The following CCDC192 variants were observed in gnomAD, a reference collection of about 807,000 sequenced individuals.
The protein encoded by CCDC192 is coiled-coil domain containing 192, also known as coiled-coil domain-containing protein 192.
chr5:127,871,842 C>T (rs535296913), intron 5 of CCDC192, among the ~76,000 whole-genome samples: 2 of 152,300 alleles, frequency 1.3e-5, no homozygotes, highest in African/African-American at 4.8e-5. Context: ...TCTTTCCACC[C>T]GGTAGGAGAA....
At chr5:127,772,460 C>T in intron 3 of CCDC192, among the ~76,000 whole-genome samples, 1 of 139,666 alleles carries the variant, frequency 7.2e-6, no homozygotes, top group African/African-American at 2.7e-5. Flanking sequence ...GAGTGAGACT[C>T]TGTCACAAAA....
chr5:127,734,728 T>C (rs1345895305), intron 2 of CCDC192, among the ~76,000 whole-genome samples: 5 of 149,716 alleles, frequency 3.3e-5, no homozygotes, highest in Non-Finnish European at 5.9e-5. Context: ...ATGTCTTCTT[T>C]TGAGAAGTGT....
intron 6 of CCDC192, among the ~76,000 whole-genome samples, chr5:127,928,545 A>C (rs987596546): frequency 6.6e-6 from 1 of 152,210 alleles, no homozygotes; most frequent in Non-Finnish European, 1.5e-5. Flanking sequence ...TCACATCTGC[A>C]AAGTCTCTTC....
At chr5:127,889,020 C>T (rs1482611786) in intron 6 of CCDC192, among the ~76,000 whole-genome samples, 1 of 152,114 alleles carries the variant, frequency 6.6e-6, no homozygotes, top group African/African-American at 2.4e-5. Context: ...GGGTTCTAAA[C>T]AAAGATACAT....
chr5:127,817,704 C>T (rs924696954), intron 5 of CCDC192, among the ~76,000 whole-genome samples: 2 of 152,118 alleles, frequency 1.3e-5, no homozygotes, highest in African/African-American at 4.8e-5. Flanking sequence ...GTGATAGTTG[C>T]ACAACTTTGT....
intron 5 of CCDC192, among the ~76,000 whole-genome samples, chr5:127,861,507 T>C (rs1751369637): frequency 6.6e-6 from 1 of 151,386 alleles, no homozygotes; most frequent in Non-Finnish European, 1.5e-5. Flanking sequence ...ATACAAAAAT[T>C]AGCCAGGCAT....
At chr5:127,777,894 C>G (rs1755962556) in intron 3 of CCDC192, among the ~76,000 whole-genome samples, 1 of 151,486 alleles carries the variant, frequency 6.6e-6, no homozygotes, top group Non-Finnish European at 1.5e-5. Context: ...TACATGAAAC[C>G]TCCTTTTTTT....
chr5:127,875,189 A>G (rs1038577959), intron 5 of CCDC192, among the ~76,000 whole-genome samples: 7 of 152,194 alleles, frequency 4.6e-5, no homozygotes, highest in African/African-American at 1.7e-4. Context: ...AAAAAATCTG[A>G]TACTAGTAGG....
intron 2 of CCDC192, among the ~76,000 whole-genome samples, chr5:127,739,147 C>G (rs1354964464): frequency 1.3e-5 from 2 of 151,944 alleles, no homozygotes; most frequent in Non-Finnish European, 2.9e-5. Context: ...TTCCTTCTAA[C>G]AGAGAGGACC....
chr5:127,742,688 G>A (rs1199567343), intron 2 of CCDC192, among the ~76,000 whole-genome samples: 1 of 152,026 alleles, frequency 6.6e-6, no homozygotes, highest in Admixed American at 6.5e-5. Flanking sequence ...TTTTTTTCAA[G>A]ACACTAAAAC....
At chr5:127,929,093 G>A (rs867895868) in intron 6 of CCDC192, among the ~76,000 whole-genome samples, 1 of 152,244 alleles carries the variant, frequency 6.6e-6, no homozygotes, top group South Asian at 2.1e-4. Context: ...AACGATAGAG[G>A]GGCCACCACT....
intron 5 of CCDC192, among the ~76,000 whole-genome samples, chr5:127,809,270 A>G (rs1006288959): frequency 6.6e-6 from 1 of 152,156 alleles, no homozygotes; most frequent in Non-Finnish European, 1.5e-5. Flanking sequence ...AAAGAGCCAT[A>G]ATTGAGAATA....
intron 3 of CCDC192, among the ~76,000 whole-genome samples, chr5:127,796,880 G>A (rs1223414958): frequency 6.6e-6 from 1 of 152,098 alleles, no homozygotes; most frequent in Non-Finnish European, 1.5e-5. Flanking sequence ...GTAACTATGC[G>A]ATTTCATCTC....
chr5:127,856,969 G>A (rs181746), intron 5 of CCDC192, among the ~76,000 whole-genome samples: 106,782 of 152,124 alleles, frequency 0.7, 37,609 homozygotes, highest in African/African-American at 0.76. Flanking sequence ...AAGTTAGCAC[G>A]TGCTGCTGGA....
intron 6 of CCDC192, among the ~76,000 whole-genome samples, chr5:127,932,116 T>C (rs1365378902): frequency 1.4e-5 from 2 of 145,146 alleles, no homozygotes; most frequent in African/African-American, 5.2e-5. Flanking sequence ...ATCGTGCCAC[T>C]GCGCTCCAGC....
At chr5:127,826,309 A>G (rs1262040496) in intron 5 of CCDC192, among the ~76,000 whole-genome samples, 1 of 152,194 alleles carries the variant, frequency 6.6e-6, no homozygotes, top group African/African-American at 2.4e-5. Flanking sequence ...CTGCAAAGGA[A>G]AAGGAAAACT....
Position 127,862,881 on chromosome 5 carries a change from A to G in CCDC192, c.412-12657A>G, listed in dbSNP as rs565956561. Reference sequence around the variant, plus strand: ...CATGGAGGTTTTGCATTTCCCAATAAAAGCATTGTAAGTCACAGTGACAGT... The same window carrying G: ...CATGGAGGTTTTGCATTTCCCAATAGAAGCATTGTAAGTCACAGTGACAGT... On this transcript the variant is annotated intron_variant, in intron 5 of 6. Transcript: ENST00000514853. 1.3e-3 allele frequency among the ~76,000 whole-genome samples: 194 copies of G among 151,802 alleles called. 1 individual carries two copies. The highest frequency in any genetic ancestry group is 4.6e-3 in the African/African-American group (191 of 41,394).
At chr5:127,932,455 C>T (rs934096403) in intron 6 of CCDC192, among the ~76,000 whole-genome samples, 7 of 152,116 alleles carry the variant, frequency 4.6e-5, no homozygotes, top group South Asian at 2.1e-4. Context: ...CCTCCCACTT[C>T]GGCCTCCTAA....
chr5:127,793,236 C>G (rs144949299), intron 3 of CCDC192, among the ~76,000 whole-genome samples: 2 of 152,224 alleles, frequency 1.3e-5, no homozygotes, highest in East Asian at 3.9e-4. Flanking sequence ...TATCCTGATT[C>G]TAAGTCAACA....
Sources: allele counts gnomAD v4.1 joint callset (sites outside exome capture counted in the v4.1 genomes callset), GRCh38; gene constraint gnomAD v4.1.1; transcripts MANE v1.5; gene names NCBI Gene and HGNC (gene_info 2026-07-23, HGNC 2026-07-21).